The following CDH4 variants were observed in gnomAD, a reference collection of about 807,000 sequenced individuals.
CDH4 encodes cadherin-4.
CDH4 carries 33 observed loss-of-function variants against 86.0 expected under a neutral mutation model. The observed-to-expected ratio is 0.38, with a 90% CI of 0.29 to 0.51. The LOEUF is 0.51. Among genes scored for constraint, CDH4 ranks in the 20% least tolerant of loss-of-function variants. The pLI is 0.86. For missense variants in CDH4, 1,114 were observed against 1,307.4 expected (o/e 0.85, Z 2.28); for synonymous variants, 555 against 549.4 (o/e 1.01, Z -0.14).
chr20:61,560,462 G>A (rs2086208393), intron 2 of CDH4, among the ~76,000 whole-genome samples: 2 of 152,194 alleles, frequency 1.3e-5, no homozygotes. Flanking sequence ...TCACAGTTGT[G>A]GGGGAAGTTA....
intron 2 of CDH4, among the ~76,000 whole-genome samples, chr20:61,550,363 C>T (rs1246699836): frequency 6.6e-6 from 1 of 152,132 alleles, no homozygotes; most frequent in Non-Finnish European, 1.5e-5. Context: ...GCCTCCCTGC[C>T]CCAACTTCTC....
chr20:61,763,199 T>C (rs2088658342), intron 3 of CDH4, among the ~76,000 whole-genome samples: 1 of 152,194 alleles, frequency 6.6e-6, no homozygotes. Flanking sequence ...TTTGAAGCAA[T>C]TTCCATGTTT....
chr20:61,435,553 A>T (rs2085276285), intron 2 of CDH4: 1 of 152,502 alleles, frequency 6.6e-6, no homozygotes, highest in South Asian at 2.1e-4. Context: ...GTGCAAGGGG[A>T]CAGTGATACT....
rs1337324536 is a variant in CDH4 at position 61,501,670 on chromosome 20, C to T, written c.170-241893C>T. On this transcript the variant is annotated intron_variant, in intron 2 of 15. Coordinates refer to ENST00000614565, the MANE Select transcript of CDH4 (RefSeq NM_001794.5). The surrounding 1 kb of genome is among the most constrained non-coding windows in gnomAD (Gnocchi z 4.2). Reference sequence around the variant, plus strand: ...AAGCAGCGTGTTCCGGAAAGCATGCCGTGCCCTGTGAACTAGAAGAGGGTA... The same window carrying T: ...AAGCAGCGTGTTCCGGAAAGCATGCTGTGCCCTGTGAACTAGAAGAGGGTA... Among the ~76,000 whole-genome samples the T allele has an allele frequency of 1.3e-5, 2 of 152,048 alleles. No homozygotes were observed. Among genetic ancestry groups the T allele is most frequent in the East Asian group, 1.9e-4 (1 of 5,176 alleles).
chr20:61,820,003 A>T (rs568298231), intron 4 of CDH4, among the ~76,000 whole-genome samples: 92 of 152,244 alleles, frequency 6.0e-4, no homozygotes, highest in African/African-American at 2.2e-3. Context: ...CCACCTCCTG[A>T]CTTTTCCCGG....
chr20:61,558,864 G>A (rs576319903), intron 2 of CDH4, among the ~76,000 whole-genome samples: 98 of 152,358 alleles, frequency 6.4e-4, no homozygotes, highest in African/African-American at 2.2e-3. Flanking sequence ...CGTGGTCCCC[G>A]TGGCGAGCAC....
intron 4 of CDH4, among the ~76,000 whole-genome samples, chr20:61,842,857 A>G (rs971402005): frequency 2.0e-5 from 3 of 152,118 alleles, no homozygotes; most frequent in African/African-American, 7.2e-5. Context: ...TGATTATGAA[A>G]ACATTCAAGG....
Position 61,588,763 on chromosome 20 carries a change from G to A in CDH4, c.170-154800G>A, listed in dbSNP as rs138402256. Among the ~76,000 whole-genome samples, 448 of 152,192 alleles carry A rather than the reference G, an allele frequency of 2.9e-3. 4 individuals carry two copies. The highest frequency in any genetic ancestry group is 0.01 in the African/African-American group (417 of 41,504). ...TCTCAGCCATTTGGCCTCCGATTCC[G>A]TTCTGTCTTTCCCGAGAAAAGCCGA... On this transcript the variant is annotated intron_variant, in intron 2 of 15. Transcript: ENST00000614565.
At chr20:61,580,649 A>G (rs549133185) in intron 2 of CDH4, among the ~76,000 whole-genome samples, 1 of 152,124 alleles carries the variant, frequency 6.6e-6, no homozygotes. Flanking sequence ...TAGGGGGGGA[A>G]ATTAGCCCCC....
intron 2 of CDH4, among the ~76,000 whole-genome samples, chr20:61,293,893 C>T (rs530141210): frequency 7.7e-4 from 117 of 152,208 alleles, no homozygotes; most frequent in African/African-American, 2.6e-3. Context: ...TCGGCAGTGC[C>T]GGGTTTTGCG....
rs2087445199 is a variant in CDH4, at chr20:61,676,432, G to A, written c.170-67131G>A. ...TGAAAAAGAAGGTGGATGGGGGAGG[G>A]ATGGTGTGAACAATGGAGGCCCGGG... On this transcript the variant is annotated intron_variant, in intron 2 of 15. Transcript: ENST00000614565. The surrounding 1 kb of genome is among the most constrained non-coding windows in gnomAD (Gnocchi z 4.5). Among the ~76,000 whole-genome samples the A allele has an allele frequency of 6.6e-6, 1 of 152,146 alleles. No homozygotes were observed. The highest frequency in any genetic ancestry group is 2.4e-5 in the African/African-American group (1 of 41,420).
intron 2 of CDH4, among the ~76,000 whole-genome samples, chr20:61,525,773 G>A (rs868044336): frequency 1.1e-4 from 16 of 152,256 alleles, no homozygotes; most frequent in Middle Eastern, 6.8e-3. Context: ...AGACCCCTGC[G>A]GCTGCCCCTT....
At chr20:61,785,485 AC>A (rs1978825891) in intron 4 of CDH4, among the ~76,000 whole-genome samples, 1 of 151,818 alleles carries the variant, frequency 6.6e-6, no homozygotes, top group Admixed American at 6.6e-5. Context: ...GTGGTTTGTG[AC>A]CCCTGGACTA....
chr20:61,583,457 G>A lies in CDH4; in HGVS notation c.170-160106G>A, dbSNP rs148764998. Among the ~76,000 whole-genome samples the A allele has an allele frequency of 1.4e-3, 217 of 152,218 alleles. 1 individual carries two copies. The highest frequency in any genetic ancestry group is 5.0e-3 in the African/African-American group (207 of 41,542). On this transcript the variant is annotated intron_variant, in intron 2 of 15. Transcript: ENST00000614565. Reference sequence around the variant, plus strand: ...AGGGGAGACGGGGGTTGTCACACACGCGTTCTGTGCAGACCATTCCCTGGG... The same window carrying A: ...AGGGGAGACGGGGGTTGTCACACACACGTTCTGTGCAGACCATTCCCTGGG...
rs530192088 is a variant in CDH4, at chr20:61,510,577, G to A, written c.170-232986G>A. Among the ~76,000 whole-genome samples the A allele has an allele frequency of 6.6e-5, 10 of 152,310 alleles. No individual in the cohort carries two copies. In the South Asian group the frequency reaches 1.0e-3, roughly 16 times the overall value. On this transcript the variant is annotated intron_variant, in intron 2 of 15. Transcript: ENST00000614565. The surrounding 1 kb of genome is among the most constrained non-coding windows in gnomAD (Gnocchi z 4.2). ...CCCACGGGTGTCGGGGGTGATGACC[G>A]ACCTCAGGACTAGGTAGCTCCCATT...
intron 2 of CDH4, among the ~76,000 whole-genome samples, chr20:61,492,927 G>A (rs1461689468): frequency 6.6e-6 from 1 of 152,224 alleles, no homozygotes; most frequent in Non-Finnish European, 1.5e-5. Flanking sequence ...TGAGGGATGA[G>A]CCAAGTTGGC....
chr20:61,397,327 G>T (rs976289116), intron 2 of CDH4, among the ~76,000 whole-genome samples: 4 of 151,992 alleles, frequency 2.6e-5, no homozygotes, highest in Admixed American at 1.3e-4. Context: ...TGCAGGAGGG[G>T]GTCCTGGTCT....
At position 61,290,437 on chromosome 20, in the gene CDH4, G is replaced by C. The variant is rs2995909; in HGVS notation, c.169+35500G>C. ...CAATGAGACTTGCTGGGTTTATCCC[G>C]ATATCCAATGAGACTTGCTGGATTT... On this transcript the variant is annotated intron_variant, in intron 2 of 15. Transcript: ENST00000614565. Among the ~76,000 whole-genome samples the C allele has an allele frequency of 4.8e-3, 266 of 54,950 alleles. 15 individuals are homozygous for C. Among genetic ancestry groups the C allele is most frequent in the Middle Eastern group, 0.031 (2 of 64 alleles). The allele number at this position is 54,950 out of a possible 152,430, so 36.0% of individuals were successfully genotyped here.
rs561861726 is a variant in CDH4, at chr20:61,878,606, G to GC, written c.1050+4707dup. Among the ~76,000 whole-genome samples the GC allele has an allele frequency of 2.4e-3, 365 of 152,314 alleles. 2 individuals carry two copies. The highest frequency in any genetic ancestry group is 6.8e-3 in the Middle Eastern group (2 of 294). ...AGCCCCTCCCAGTGGGGACATTGAGGCGGGCTTCCCTCCCCAGACATGGAG... is the reference window on the plus strand; with the variant it reads ...AGCCCCTCCCAGTGGGGACATTGAGGCCGGGCTTCCCTCCCCAGACATGGAG... On this transcript the variant is annotated intron_variant, in intron 7 of 15. Transcript: ENST00000614565.
Sources: gnomAD v4.1 joint callset for allele counts (sites outside exome capture counted in the v4.1 genomes callset) on GRCh38, gnomAD v4.1.1 for gene constraint, Gnocchi (gnomAD v3.1) non-coding constraint, MANE v1.5 for transcripts, NCBI Gene and HGNC (gene_info 2026-07-23, HGNC 2026-07-21) for gene names.